The following CHLSN variants were observed in gnomAD, a reference collection of about 807,000 sequenced individuals.
The protein encoded by CHLSN is cholesin.
At chr7:1,014,295 G>A in the CHLSN span, among the ~76,000 whole-genome samples, 1 of 152,230 alleles carries the variant, frequency 6.6e-6, no homozygotes, top group Admixed American at 6.5e-5. Flanking sequence ...AAATACAACT[G>A]CATGAAAACT....
At chr7:1,068,616 G>A in the CHLSN span, among the ~76,000 whole-genome samples, 2 of 152,276 alleles carry the variant, frequency 1.3e-5, no homozygotes, top group South Asian at 4.1e-4. Context: ...GGTTGCCGAT[G>A]CCTGCTTGTC....
the CHLSN span, among the ~76,000 whole-genome samples, chr7:1,113,230 T>A: frequency 6.6e-6 from 1 of 151,720 alleles, no homozygotes; most frequent in Non-Finnish European, 1.5e-5. Context: ...TTTAATTTAC[T>A]AAGAATCTAC....
the CHLSN span, among the ~76,000 whole-genome samples, chr7:1,015,152 T>A: frequency 2.0e-5 from 3 of 151,758 alleles, no homozygotes; most frequent in South Asian, 6.3e-4. Flanking sequence ...CAGGGAGGTG[T>A]GATGGGAAGT....
chr7:1,096,874 G>C, the CHLSN span, among the ~76,000 whole-genome samples: 2 of 152,214 alleles, frequency 1.3e-5, no homozygotes, highest in South Asian at 2.1e-4. This position sits in a 1 kb window ranked among gnomAD's most constrained non-coding sequence, Gnocchi z 4.6. Context: ...TGCAGTCTTG[G>C]GGGGCAGGGT....
At chr7:1,002,518 G>GT in the CHLSN span, among the ~76,000 whole-genome samples, 25 of 79,420 alleles carry the variant, frequency 3.1e-4, no homozygotes, top group Admixed American at 5.2e-4. Context: ...CCTGTGGGTG[G>GT]GGAGTCCTGT....
the CHLSN span, among the ~76,000 whole-genome samples, chr7:1,052,426 G>T: frequency 2.0e-5 from 3 of 152,230 alleles, no homozygotes; most frequent in East Asian, 1.9e-4. The surrounding 1 kb of genome is among the most constrained non-coding windows in gnomAD (Gnocchi z 4.2). Context: ...GAGGAGTCGT[G>T]GGGGAGGGTT....
At chr7:1,026,196 A>C in the CHLSN span, 1 of 152,186 alleles carries the variant, frequency 6.6e-6, no homozygotes. Context: ...CTCCAATTTG[A>C]ACTTAGGCAT....
At chr7:1,117,613 C>CCCACGCAGGA in the CHLSN span, among the ~76,000 whole-genome samples, 1 of 135,576 alleles carries the variant, frequency 7.4e-6, no homozygotes, top group South Asian at 2.4e-4. Context: ...ATCACCGACG[C>CCCACGCAGGA]TCACGCAGGA....
chr7:1,097,068 C>T, the CHLSN span, among the ~76,000 whole-genome samples: 4 of 152,246 alleles, frequency 2.6e-5, no homozygotes, highest in South Asian at 6.2e-4. This position sits in a 1 kb window ranked among gnomAD's most constrained non-coding sequence, Gnocchi z 4.3. Context: ...CCCATGGGAA[C>T]GGGTCAGGGC....
chr7:1,134,390 A>G, the CHLSN span, among the ~76,000 whole-genome samples: 1 of 150,504 alleles, frequency 6.6e-6, no homozygotes, highest in African/African-American at 2.5e-5. Context: ...GCTGGCCAAT[A>G]TGGTGAAACC....
chr7:1,079,383 GCA>G, the CHLSN span, among the ~76,000 whole-genome samples: 1 of 152,202 alleles, frequency 6.6e-6, no homozygotes, highest in African/African-American at 2.4e-5. Flanking sequence ...TGCTGCTTTT[GCA>G]CAGAAACAGT....
the CHLSN span, among the ~76,000 whole-genome samples, chr7:1,030,470 G>C: frequency 6.6e-6 from 1 of 152,196 alleles, no homozygotes; most frequent in African/African-American, 2.4e-5. Context: ...ATGGGGACGT[G>C]GTGCCGGCTG....
the CHLSN span, among the ~76,000 whole-genome samples, chr7:979,349 G>A: frequency 3.9e-5 from 6 of 152,164 alleles, no homozygotes; most frequent in Admixed American, 6.5e-5. Flanking sequence ...TCAAAGTTTC[G>A]GTGCAAGAGT....
the CHLSN span, among the ~76,000 whole-genome samples, chr7:994,668 G>C: frequency 6.6e-6 from 1 of 152,106 alleles, no homozygotes; most frequent in Non-Finnish European, 1.5e-5. Flanking sequence ...TCAAACTCCT[G>C]AGCTCAAGCG....
chr7:1,129,678 C>T, the CHLSN span, among the ~76,000 whole-genome samples: 1 of 152,194 alleles, frequency 6.6e-6, no homozygotes, highest in South Asian at 2.1e-4. Flanking sequence ...CCCTTGGTTC[C>T]AGCCATCCTC....
the CHLSN span, among the ~76,000 whole-genome samples, chr7:1,099,982 A>G: frequency 6.6e-6 from 1 of 152,092 alleles, no homozygotes; most frequent in South Asian, 2.1e-4. Flanking sequence ...GAGCTATGGA[A>G]CCTGGGTATG....
the CHLSN span, chr7:986,926 C>T: frequency 3.0e-6 from 4 of 1,321,908 alleles, no homozygotes; most frequent in African/African-American, 1.5e-5. Flanking sequence ...GGGGGCCTCT[C>T]AGAGCCTCAG....
the CHLSN span, among the ~76,000 whole-genome samples, chr7:1,135,766 A>G: frequency 2.0e-5 from 2 of 101,744 alleles, no homozygotes; most frequent in Non-Finnish European, 3.8e-5. Flanking sequence ...CTCCACCTCA[A>G]AAAGAAATAT....
chr7:992,616 G>A, the CHLSN span, among the ~76,000 whole-genome samples: 3 of 152,244 alleles, frequency 2.0e-5, no homozygotes, highest in South Asian at 2.1e-4. Flanking sequence ...CTCCTCCCTC[G>A]GAGTGGGCAG....
Sources: allele counts gnomAD v4.1 joint callset (sites outside exome capture counted in the v4.1 genomes callset), GRCh38; gene constraint gnomAD v4.1.1; non-coding constraint Gnocchi (gnomAD v3.1); transcripts MANE v1.5; gene names NCBI Gene and HGNC (gene_info 2026-07-23, HGNC 2026-07-21).